Variants in SAP30 observed in about 807,000 individuals in gnomAD.
SAP30 encodes the protein histone deacetylase complex subunit SAP30.
A neutral mutation model predicts 19.6 loss-of-function variants in SAP30; 13 were observed. That is an observed-to-expected ratio of 0.66 (90% CI 0.43 to 1.05). SAP30 has a LOEUF of 1.05. Ranked by LOEUF, SAP30 falls within the 50% of genes least tolerant of loss-of-function variation. The pLI, the probability that SAP30 is intolerant of heterozygous loss-of-function variation, is 0.00. For missense variants in SAP30, 257 were observed against 292.1 expected, an observed-to-expected ratio of 0.88 and a Z score of 0.88; for synonymous variants, 108 against 122.7, an observed-to-expected ratio of 0.88 and a Z score of 0.79.
chr4:173,371,446 G>T lies in SAP30; in HGVS notation c.264G>T (p.Arg88Ser). 6.3e-7 allele frequency: 1 copy of T among 1,592,930 alleles called. No individual in the cohort carries two copies. Among genetic ancestry groups the T allele is most frequent in the Non-Finnish European group, 8.5e-7 (1 of 1,176,490 alleles). The change falls in exon 1 of 4, where the codon AGG becomes AGT. Residue 88 changes from arginine (R) to serine (S), a missense_variant. Arg to Ser is a moderately radical substitution (Grantham distance 110). Transcript: ENST00000296504. The surrounding 1 kb of genome is among the most constrained non-coding windows in gnomAD (Gnocchi z 6.4). ...RAAGNASFSK[R>S]IQKSISQKKV... ...CAGGCAACGCCAGCTTCAGCAAGAG[G>T]ATCCAGAAGAGCATCTCCCAGAAGA...
intron 3 of SAP30, among the ~76,000 whole-genome samples, chr4:173,374,287 G>GT (rs942306613): frequency 1.3e-5 from 2 of 152,032 alleles, no homozygotes; most frequent in African/African-American, 2.4e-5. Flanking sequence ...TGTGTTGATT[G>GT]TTTTTTGAGA....
rs1739066416 is a variant in SAP30 at position 173,377,520 on chromosome 4, G to T, written c.*193G>T. The T allele has an allele frequency of 4.4e-6, 2 of 453,208 alleles. No homozygotes were observed. The highest frequency in any genetic ancestry group is 4.6e-5 in the Admixed American group (1 of 21,924). 28.1% of individuals were successfully genotyped at this position (453,208 alleles called of 1,614,324 possible). ...TAAATTAAATCTATTTTAAATAAAG[G>T]TTATTACTATTATAGTTGCTTCAGT... On this transcript the variant is annotated 3_prime_UTR_variant, in exon 4 of 4. Coordinates refer to ENST00000296504, the MANE Select transcript of SAP30 (RefSeq NM_003864.4).
At chr4:173,376,041 T>G (rs1328352673) in intron 3 of SAP30, among the ~76,000 whole-genome samples, 1 of 152,244 alleles carries the variant, frequency 6.6e-6, no homozygotes, top group East Asian at 1.9e-4. Flanking sequence ...GTGCAAAAAT[T>G]GCCTTCCGTG....
At chr4:173,374,567 C>T (rs566738508) in intron 3 of SAP30, among the ~76,000 whole-genome samples, 64 of 152,280 alleles carry the variant, frequency 4.2e-4, no homozygotes, top group Admixed American at 2.1e-3. Flanking sequence ...CAGTGTGAGC[C>T]ACCGTGCCTG....
Position 173,373,989 on chromosome 4 carries a change from C to T in SAP30, c.492C>T (p.His164=). Reference sequence around the variant, plus strand: ...ATACACTTAGGAGATACAAAAGACACTTCAAGCTACCAACCAGACCAGGAC... The same window carrying T: ...ATACACTTAGGAGATACAAAAGACATTTCAAGCTACCAACCAGACCAGGAC... The part of the protein sequence containing the change: ...QVNTLRRYKR[H]FKLPTRPGLN... Residue 164 remains histidine (H), a synonymous_variant, in exon 3 of 4, where the codon CAC becomes CAT. Coordinates refer to ENST00000296504, the MANE Select transcript of SAP30 (RefSeq NM_003864.4). The T allele has an allele frequency of 6.2e-7, 1 of 1,604,442 alleles. No individual in the cohort carries two copies. Among genetic ancestry groups the T allele is most frequent in the African/African-American group, 1.3e-5 (1 of 74,542 alleles).
At position 173,371,049 on chromosome 4, in the gene SAP30, G is replaced by C. The variant is rs1213436139; in HGVS notation, c.-134G>C. 5 of 1,065,148 alleles carry C rather than the reference G, an allele frequency of 4.7e-6. No homozygotes were observed. Among genetic ancestry groups the C allele is most frequent in the African/African-American group, 3.5e-5 (2 of 57,874 alleles). The allele number at this position is 1,065,148 out of a possible 1,614,324, so 66.0% of individuals were successfully genotyped here. On this transcript the variant is annotated 5_prime_UTR_variant, in exon 1 of 4. Transcript: ENST00000296504. The surrounding 1 kb of genome is among the most constrained non-coding windows in gnomAD (Gnocchi z 6.4). ...GGTGCCAGCAGAGACCAGCAGGCCC[G>C]GGACAGTTGGTGTTTGGCCGTGCCG...
Position 173,377,251 on chromosome 4 carries a change from C to T in SAP30, c.587C>T (p.Thr196Ile), listed in dbSNP as rs985898074. ...FRSIPVNEKD[T>I]LTYFIYSVKN... is the part of the protein sequence containing the mutation. ...TCTATTCCAGTGAATGAAAAAGACA[C>T]CTTAACATATTTCATCTACTCAGTG... Residue 196 changes from threonine (T) to isoleucine (I), a missense_variant, in exon 4 of 4, where the codon ACC becomes ATC. Transcript: ENST00000296504. The T allele has an allele frequency of 6.2e-7, 1 of 1,608,118 alleles. No homozygotes were observed. Among genetic ancestry groups the T allele is most frequent in the African/African-American group, 1.3e-5 (1 of 74,576 alleles).
chr4:173,374,743 A>G (rs1421193498), intron 3 of SAP30, among the ~76,000 whole-genome samples: 2 of 152,204 alleles, frequency 1.3e-5, no homozygotes, highest in Non-Finnish European at 2.9e-5. Flanking sequence ...AAGTGGTGGA[A>G]TAGGCCTACA....
chr4:173,374,163 T>G (rs1578951746), intron 3 of SAP30, 126 bp downstream of exon 3: 1 of 515,782 alleles, frequency 1.9e-6, no homozygotes, highest in East Asian at 3.2e-5. Context: ...TTAAAAAATC[T>G]GTTGTGGAAG....
intron 3 of SAP30, among the ~76,000 whole-genome samples, chr4:173,376,956 A>G (rs532582015): frequency 1.3e-5 from 2 of 152,288 alleles, no homozygotes; most frequent in Admixed American, 6.5e-5. Flanking sequence ...AAAGGAAAAT[A>G]TATTTTCTAA....
chr4:173,374,709 G>A (rs1366696680), intron 3 of SAP30, among the ~76,000 whole-genome samples: 3 of 152,148 alleles, frequency 2.0e-5, no homozygotes, highest in South Asian at 2.1e-4. Context: ...AAGCTTTAAT[G>A]TCCTTATTAG....
intron 3 of SAP30, among the ~76,000 whole-genome samples, chr4:173,375,026 T>TTA (rs3052296): frequency 0.055 from 8,026 of 147,014 alleles, 661 homozygotes; most frequent in African/African-American, 0.18. Context: ...GTTTATAGAT[T>TTA]TATATATATA....
intron 1 of SAP30, among the ~76,000 whole-genome samples, chr4:173,372,943 C>A (rs141124003): frequency 6.6e-6 from 1 of 152,128 alleles, no homozygotes; most frequent in East Asian, 1.9e-4. Flanking sequence ...CCACCATGCC[C>A]GCCTAATTTT....
At chr4:173,375,073 CAGCTACTGAGGAGGATTGATTA>C (rs1304946039) in intron 3 of SAP30, among the ~76,000 whole-genome samples, 5 of 150,238 alleles carry the variant, frequency 3.3e-5, no homozygotes, top group Non-Finnish European at 7.4e-5. Context: ...TTTTTACTTG[CAGCTACTGAGGAGGATTGATTA>C]AGCCTAGGAG....
rs537820376 is a variant in SAP30, at chr4:173,373,391, C to T, written c.317C>T (p.Ala106Val). The change falls in exon 2 of 4, where the codon GCA (alanine) becomes GTA (valine). Residue 106 changes from alanine to valine, a missense_variant and splice_region_variant. By Grantham distance (64) the Ala-to-Val change is moderately conservative (BLOSUM62 0). Coordinates refer to ENST00000296504, the MANE Select transcript of SAP30 (RefSeq NM_003864.4). Reference sequence around the variant, plus strand: ...GTGTGTAAAACTTTTCTGTTTCAGGCAAGGCATCTTTACATATGTGATTAT... The same window carrying T: ...GTGTGTAAAACTTTTCTGTTTCAGGTAAGGCATCTTTACATATGTGATTAT... ...KKVKIELDKS[A>V]RHLYICDYHK... The T allele has an allele frequency of 6.3e-7, 1 of 1,597,142 alleles. No homozygotes were observed. Among genetic ancestry groups the T allele is most frequent in the Admixed American group, 1.7e-5 (1 of 57,614 alleles).
At position 173,373,391 on chromosome 4, in the gene SAP30, C is replaced by G; in HGVS notation, c.317C>G (p.Ala106Gly). ...GTGTGTAAAACTTTTCTGTTTCAGG[C>G]AAGGCATCTTTACATATGTGATTAT... ...KKVKIELDKS[A>G]RHLYICDYHK... The change falls in exon 2 of 4, where the codon GCA becomes GGA. Residue 106 changes from alanine (A) to glycine (G), a missense_variant and splice_region_variant. Ala to Gly is a moderately conservative substitution (Grantham distance 60). Transcript: ENST00000296504. 6.3e-7 allele frequency: 1 copy of G among 1,597,146 alleles called. No individual in the cohort carries two copies. Among genetic ancestry groups the G allele is most frequent in the Non-Finnish European group, 8.5e-7 (1 of 1,172,778 alleles).
chr4:173,375,444 TTAATG>T (rs1342930565), intron 3 of SAP30, among the ~76,000 whole-genome samples: 2 of 152,234 alleles, frequency 1.3e-5, no homozygotes, highest in African/African-American at 4.8e-5. Context: ...GTACAATACA[TTAATG>T]TAACATAAAT....
At chr4:173,375,332 A>T (rs921623123) in intron 3 of SAP30, among the ~76,000 whole-genome samples, 1 of 152,168 alleles carries the variant, frequency 6.6e-6, no homozygotes, top group Non-Finnish European at 1.5e-5. Flanking sequence ...AAAATCTAAT[A>T]TATTAACTAT....
At chr4:173,376,532 G>A (rs965931) in intron 3 of SAP30, among the ~76,000 whole-genome samples, 139,744 of 152,274 alleles carry the variant, frequency 0.92, 64,859 homozygotes, top group Non-Finnish European at 0.98. Context: ...GATCTCTTAC[G>A]TCTGTTTTAT....
Sources: gnomAD v4.1 joint callset for allele counts (sites outside exome capture counted in the v4.1 genomes callset) on GRCh38, gnomAD v4.1.1 for gene constraint, Gnocchi (gnomAD v3.1) non-coding constraint, MANE v1.5 for transcripts, NCBI Gene and HGNC (gene_info 2026-07-23, HGNC 2026-07-21) for gene names.